LRBA: variants seen among roughly 807,000 people sequenced by gnomAD.
The protein encoded by LRBA is lipopolysaccharide-responsive and beige-like anchor protein.
A neutral mutation model predicts 330.0 loss-of-function variants in LRBA; 176 were observed. The ratio of observed to expected loss-of-function variants is 0.53; its 90% CI spans 0.47 to 0.60. The LOEUF (loss-of-function observed/expected upper bound fraction) is 0.60. LRBA is among the 20% of genes least tolerant of loss of function. The probability of loss-of-function intolerance (pLI) is 0.00; values close to 1 mark genes in which losing one functional copy is unlikely to be tolerated. For synonymous variants in LRBA, 1,230 were observed against 1,193.0 expected (o/e 1.03, Z -0.64); for missense variants, 3,259 against 3,444.8 (o/e 0.95, Z 1.35).
Position 150,491,002 on chromosome 4 carries a change from AT to A in LRBA, c.6363del (p.Lys2121AsnfsTer32). ...ILAYTEGLHG[K>X]WLFTEIRSIF... Reference sequence around the variant, plus strand: ...ATTGATCGTATCTCTGTGAACAGCCATTTTCCATGCAGCCCTTCTGTATATG... The same window carrying A: ...ATTGATCGTATCTCTGTGAACAGCCATTTCCATGCAGCCCTTCTGTATATG... On this transcript the variant is annotated frameshift_variant, in exon 41 of 57. Coordinates refer to ENST00000651943, the MANE Select transcript of LRBA (RefSeq NM_001364905.1). LOFTEE classifies it high-confidence loss of function. The A allele has an allele frequency of 6.2e-7, 1 of 1,607,326 alleles. No individual in the cohort carries two copies. The highest frequency in any genetic ancestry group is 8.5e-7 in the Non-Finnish European group (1 of 1,175,548).
intron 47 of LRBA, among the ~76,000 whole-genome samples, chr4:150,386,678 T>A (rs1743116076): frequency 6.6e-6 from 1 of 152,176 alleles, no homozygotes; most frequent in African/African-American, 2.4e-5. Flanking sequence ...TGATGGGCAT[T>A]TAGGTTGATT....
Position 150,338,996 on chromosome 4 carries a change from A to C in LRBA, c.7362+10996T>G, listed in dbSNP as rs928524461. 5.7e-4 allele frequency among the ~76,000 whole-genome samples: 74 copies of C among 129,584 alleles called. 1 individual carries two copies. Among genetic ancestry groups the C allele is most frequent in the Non-Finnish European group, 9.3e-4 (54 of 57,838 alleles). 85.0% of individuals were successfully genotyped at this position (129,584 alleles called of 152,430 possible). A position where few individuals can be genotyped will look rare whatever the true frequency, so the allele number is the denominator to read the frequency against. Reference sequence around the variant, plus strand: ...ACACACACACACACACACACACACAAGTAGTGAACCCAGAGTTCTAGAATT... The same window carrying C: ...ACACACACACACACACACACACACACGTAGTGAACCCAGAGTTCTAGAATT... On this transcript the variant is annotated intron_variant, in intron 48 of 56. Transcript: ENST00000651943.
intron 35 of LRBA, among the ~76,000 whole-genome samples, chr4:150,740,440 CA>C (rs1346339074): frequency 1.3e-5 from 2 of 151,518 alleles, no homozygotes; most frequent in Non-Finnish European, 2.9e-5. Context: ...AAAATGTAAA[CA>C]ATTAAAAGTA....
chr4:150,805,526 AAAGGAAAGGAAG>A (rs1742593463), intron 33 of LRBA, among the ~76,000 whole-genome samples: 3 of 128,880 alleles, frequency 2.3e-5, no homozygotes, highest in Non-Finnish European at 4.9e-5. Context: ...AAGGAAAAGG[AAAGGAAAGGAAG>A]GGAGAAGGAA....
At chr4:150,699,408 C>T (rs1784923905) in intron 36 of LRBA, among the ~76,000 whole-genome samples, 1 of 151,968 alleles carries the variant, frequency 6.6e-6, no homozygotes, top group Non-Finnish European at 1.5e-5. Context: ...ACGCTTTGGG[C>T]AACAGGATAA....
intron 40 of LRBA, among the ~76,000 whole-genome samples, chr4:150,495,397 G>T (rs918503272): frequency 2.0e-5 from 3 of 152,032 alleles, no homozygotes; most frequent in African/African-American, 7.2e-5. Context: ...AAAACAGCAT[G>T]AGAGAAAATT....
At chr4:150,547,737 T>G (rs1213552054) in intron 40 of LRBA, among the ~76,000 whole-genome samples, 1 of 152,130 alleles carries the variant, frequency 6.6e-6, no homozygotes, top group Admixed American at 6.6e-5. Context: ...AAAGGTATTG[T>G]GAAACAAAAT....
At chr4:150,464,190 G>T (rs564245770) in intron 44 of LRBA, among the ~76,000 whole-genome samples, 5 of 152,050 alleles carry the variant, frequency 3.3e-5, no homozygotes, top group Admixed American at 1.3e-4. Context: ...CTGAAATAGA[G>T]TCCAAACTGT....
At chr4:150,800,650 A>G (rs1741478907) in intron 33 of LRBA, among the ~76,000 whole-genome samples, 1 of 152,146 alleles carries the variant, frequency 6.6e-6, no homozygotes, top group South Asian at 2.1e-4. Flanking sequence ...TATCATTTTC[A>G]TTTTATACAC....
At position 150,286,218 on chromosome 4, in the gene LRBA, G is replaced by C. The variant is rs536017155; in HGVS notation, c.8018-184C>G. On this transcript the variant is annotated intron_variant, in intron 53 of 56. Coordinates refer to ENST00000651943, the MANE Select transcript of LRBA (RefSeq NM_001364905.1). ...AGTTTGATTATGAGGGCCACATCCT[G>C]CTAAAATGTCAAGTAACCTTTATGT... Among the ~76,000 whole-genome samples, 11 of 152,224 alleles carry C rather than the reference G, an allele frequency of 7.2e-5. No individual in the cohort carries two copies. The South Asian group carries it at 1.0e-3, about 14-fold the overall frequency.
chr4:150,707,898 T>C (rs1785792106), intron 36 of LRBA, among the ~76,000 whole-genome samples: 1 of 151,788 alleles, frequency 6.6e-6, no homozygotes, highest in South Asian at 2.1e-4. Context: ...GTGTATTAAA[T>C]AATAACTTCA....
chr4:150,943,499 C>G (rs1384256152), intron 2 of LRBA, among the ~76,000 whole-genome samples: 1 of 152,154 alleles, frequency 6.6e-6, no homozygotes, highest in Non-Finnish European at 1.5e-5. Flanking sequence ...AAGCTTCACC[C>G]AGACCCCTAA....
intron 46 of LRBA, among the ~76,000 whole-genome samples, chr4:150,424,458 G>GAAAGA (rs1399750865): frequency 2.6e-5 from 4 of 152,168 alleles, no homozygotes; most frequent in Non-Finnish European, 5.9e-5. Flanking sequence ...GTACATCTAA[G>GAAAGA]AAAGATTAAC....
In LRBA at chr4:150,599,150, G is replaced by A. The variant is rs1293171365; in HGVS notation, c.5922-19C>T. 3.7e-6 allele frequency: 6 copies of A among 1,612,742 alleles called. No homozygotes were observed. The highest frequency in any genetic ancestry group is 5.1e-6 in the Non-Finnish European group (6 of 1,179,482). ...AGGACGACTACAATGAAACAGAGAA[G>A]CCACATATGTTAGCAATTATCAAAC... On this transcript the variant is annotated intron_variant, in intron 37 of 56. Coordinates refer to ENST00000651943, the MANE Select transcript of LRBA (RefSeq NM_001364905.1).
intron 4 of LRBA, among the ~76,000 whole-genome samples, chr4:150,925,371 T>A (rs538635998): frequency 6.6e-6 from 1 of 152,270 alleles, no homozygotes; most frequent in East Asian, 1.9e-4. Context: ...AATGCTTCAG[T>A]GAACATCCTC....
intron 14 of LRBA, among the ~76,000 whole-genome samples, chr4:150,898,223 T>C (rs1730326398): frequency 6.6e-6 from 1 of 152,126 alleles, no homozygotes; most frequent in Admixed American, 6.6e-5. Context: ...ATTATTATTA[T>C]ATGTGAATTC....
intron 2 of LRBA, among the ~76,000 whole-genome samples, chr4:150,990,051 A>G (rs1208522325): frequency 1.3e-5 from 2 of 152,192 alleles, no homozygotes; most frequent in East Asian, 1.9e-4. Flanking sequence ...TTCTTATAGA[A>G]GTATGCAATA....
rs370231043 is a variant in LRBA, at chr4:150,916,396, T to C, written c.894+5A>G. Reference sequence around the variant, plus strand: ...ACATAACTATGACTCAAGAAGATCATGTACCTTTTGTGGCTTGAAATCAAA... The same window carrying C: ...ACATAACTATGACTCAAGAAGATCACGTACCTTTTGTGGCTTGAAATCAAA... On this transcript the variant is annotated splice_donor_5th_base_variant and intron_variant, in intron 7 of 56. Coordinates refer to ENST00000651943, the MANE Select transcript of LRBA (RefSeq NM_001364905.1). 2.5e-6 allele frequency: 4 copies of C among 1,612,308 alleles called. No individual in the cohort carries two copies. The highest frequency in any genetic ancestry group is 2.7e-5 in the African/African-American group (2 of 74,866).
intron 2 of LRBA, among the ~76,000 whole-genome samples, chr4:150,952,957 T>A (rs1737012965): frequency 3.9e-5 from 6 of 152,000 alleles, no homozygotes; most frequent in Admixed American, 3.9e-4. Context: ...ACCCCTCATC[T>A]CCCTCCATCA....
Sources: gnomAD v4.1 joint callset for allele counts (sites outside exome capture counted in the v4.1 genomes callset) on GRCh38, gnomAD v4.1.1 for gene constraint, MANE v1.5 for transcripts, NCBI Gene and HGNC (gene_info 2026-07-23, HGNC 2026-07-21) for gene names.